PAIP2: variants seen among roughly 807,000 people sequenced by gnomAD.
PAIP2 encodes poly(A) binding protein interacting protein 2, also known as polyadenylate-binding protein-interacting protein 2.
Under a neutral mutation model 14.8 loss-of-function variants are expected in PAIP2, and 7 were observed. The observed-to-expected ratio is 0.47, with a 90% CI of 0.27 to 0.89. The LOEUF is 0.89. Ranked by LOEUF, PAIP2 falls within the 40% of genes least tolerant of loss-of-function variation. PAIP2 has a pLI of 0.13. For synonymous variants in PAIP2, 47 were observed against 45.3 expected (o/e 1.04, Z -0.15); for missense variants, 122 against 154.7 (o/e 0.79, Z 1.12).
intron 1 of PAIP2, among the ~76,000 whole-genome samples, chr5:139,356,589 G>A (rs996098304): frequency 6.7e-6 from 1 of 149,980 alleles, no homozygotes; most frequent in African/African-American, 2.5e-5. Context: ...TGTTGAAAAT[G>A]ACATTTCGGG....
At chr5:139,352,502 G>GTTTTTTT (rs536704901) in intron 1 of PAIP2, among the ~76,000 whole-genome samples, 2 of 76,180 alleles carry the variant, frequency 2.6e-5, no homozygotes, top group Admixed American at 1.5e-4. Flanking sequence ...TTTTTTTGTT[G>GTTTTTTT]TTTTTTTTTT....
chr5:139,343,126 T>A (rs901800799), intron 1 of PAIP2: 2 of 152,322 alleles, frequency 1.3e-5, no homozygotes, highest in Non-Finnish European at 2.9e-5. Flanking sequence ...AAGTAAAAGT[T>A]CTCTACAATA....
Position 139,341,902 on chromosome 5 carries a change from CG to C in PAIP2, c.-100del, listed in dbSNP as rs1756388659. On this transcript the variant is annotated 5_prime_UTR_variant, in exon 1 of 4. Coordinates refer to ENST00000265192, the MANE Select transcript of PAIP2 (RefSeq NM_016480.5). ...GGCGGCGGGCGAAGCGCACGTCGAGCGGGGGAGCGGCGCTGCCTGTGGAGAT... is the reference window on the plus strand; with the variant it reads ...GGCGGCGGGCGAAGCGCACGTCGAGCGGGGAGCGGCGCTGCCTGTGGAGAT... 6.5e-6 allele frequency: 1 copy of C among 152,818 alleles called. No homozygotes were observed. Among genetic ancestry groups the C allele is most frequent in the African/African-American group, 2.4e-5 (1 of 41,434 alleles). 9.5% of individuals were successfully genotyped at this position (152,818 alleles called of 1,614,324 possible). A position where few individuals can be genotyped will look rare whatever the true frequency, so the allele number is the denominator to read the frequency against.
intron 1 of PAIP2, among the ~76,000 whole-genome samples, chr5:139,349,271 C>T (rs1247909041): frequency 1.3e-5 from 2 of 152,060 alleles, no homozygotes; most frequent in Non-Finnish European, 1.5e-5. Context: ...TTCTCTGAGA[C>T]GGAGTCTCGC....
intron 3 of PAIP2, chr5:139,367,269 C>T (rs1451004692): frequency 2.6e-5 from 4 of 152,198 alleles, no homozygotes; most frequent in Non-Finnish European, 5.9e-5. Flanking sequence ...AATGTAAAAG[C>T]CTTGCAGCAT....
chr5:139,349,979 C>T (rs974177488), intron 1 of PAIP2, among the ~76,000 whole-genome samples: 8 of 149,080 alleles, frequency 5.4e-5, no homozygotes, highest in South Asian at 2.1e-4. Flanking sequence ...TCCAGCCTGG[C>T]GACAGAGTGA....
At chr5:139,344,381 G>A (rs1488937977) in intron 1 of PAIP2, among the ~76,000 whole-genome samples, 1 of 152,188 alleles carries the variant, frequency 6.6e-6, no homozygotes, top group Admixed American at 6.5e-5. Flanking sequence ...CATTGCCTTT[G>A]TGATCTAGAC....
chr5:139,360,888 C>G (rs1415993951), intron 1 of PAIP2, among the ~76,000 whole-genome samples: 1 of 151,658 alleles, frequency 6.6e-6, no homozygotes, highest in African/African-American at 2.4e-5. Context: ...TCCAGTGATT[C>G]TCTTGCCTCA....
intron 1 of PAIP2, among the ~76,000 whole-genome samples, chr5:139,363,260 T>C (rs1248361014): frequency 2.6e-5 from 4 of 151,868 alleles, no homozygotes; most frequent in Non-Finnish European, 5.9e-5. Context: ...AAGAAAACAT[T>C]AGATGTTTTA....
At chr5:139,368,604 A>G (rs1757446990) in intron 3 of PAIP2, 129 bp from the exon 4 acceptor site, 1 of 647,074 alleles carries the variant, frequency 1.5e-6, no homozygotes, top group East Asian at 2.7e-5. Context: ...TTTGGGGTTT[A>G]GTATAGTCTT....
chr5:139,352,448 C>G (rs1317348395), intron 1 of PAIP2, among the ~76,000 whole-genome samples: 1 of 148,058 alleles, frequency 6.8e-6, no homozygotes, highest in African/African-American at 2.5e-5. Context: ...TGTAAAAAAC[C>G]TGGGGAAAAA....
intron 1 of PAIP2, among the ~76,000 whole-genome samples, chr5:139,346,302 C>T (rs1033331686): frequency 7.2e-5 from 11 of 152,186 alleles, no homozygotes; most frequent in South Asian, 2.1e-4. Flanking sequence ...AGTGCAGTGG[C>T]GCAATCTTGG....
chr5:139,352,555 TG>T (rs1455994015), intron 1 of PAIP2, among the ~76,000 whole-genome samples: 1 of 142,088 alleles, frequency 7.0e-6, no homozygotes, highest in Non-Finnish European at 1.5e-5. Context: ...TGGAGTGCAA[TG>T]GAGTGATCTT....
At chr5:139,361,422 C>T (rs1757063908) in intron 1 of PAIP2, among the ~76,000 whole-genome samples, 1 of 151,984 alleles carries the variant, frequency 6.6e-6, no homozygotes, top group South Asian at 2.1e-4. Flanking sequence ...CCTCAATAAG[C>T]CTTTCTTTGG....
intron 1 of PAIP2, among the ~76,000 whole-genome samples, chr5:139,357,301 G>A (rs1202037108): frequency 6.6e-6 from 1 of 152,170 alleles, no homozygotes; most frequent in Non-Finnish European, 1.5e-5. Flanking sequence ...GGCTTTCTAG[G>A]ACTACCAGGA....
chr5:139,360,738 C>T (rs1230043854), intron 1 of PAIP2, among the ~76,000 whole-genome samples: 3 of 151,580 alleles, frequency 2.0e-5, no homozygotes, highest in African/African-American at 7.3e-5. Context: ...GTTGGGATTA[C>T]AGGCATGAGC....
chr5:139,353,311 G>A (rs984988192), intron 1 of PAIP2, among the ~76,000 whole-genome samples: 4 of 151,834 alleles, frequency 2.6e-5, no homozygotes, highest in African/African-American at 9.7e-5. Context: ...AATTATTTTT[G>A]TTCTGGAGAA....
chr5:139,352,945 C>T (rs545244904), intron 1 of PAIP2, among the ~76,000 whole-genome samples: 21 of 151,786 alleles, frequency 1.4e-4, no homozygotes, highest in East Asian at 1.2e-3. Context: ...GAGAAACTCC[C>T]GTCTCTACTA....
At chr5:139,361,750 G>A (rs1291667154) in intron 1 of PAIP2, among the ~76,000 whole-genome samples, 3 of 152,050 alleles carry the variant, frequency 2.0e-5, no homozygotes, top group Non-Finnish European at 2.9e-5. Flanking sequence ...TTCAAGGCTA[G>A]CCTGGCCAAC....
Sources: allele counts gnomAD v4.1 joint callset (sites outside exome capture counted in the v4.1 genomes callset), GRCh38; gene constraint gnomAD v4.1.1; transcripts MANE v1.5; gene names NCBI Gene and HGNC (gene_info 2026-07-23, HGNC 2026-07-21).